IMMP2L: variants seen among roughly 807,000 people sequenced by gnomAD.
The protein encoded by IMMP2L is mitochondrial inner membrane protease subunit 2.
In IMMP2L, 18 loss-of-function variants were observed where a neutral mutation model predicts 19.3. The ratio of observed to expected loss-of-function variants is 0.93; its 90% CI spans 0.64 to 1.38. The LOEUF is 1.38. IMMP2L is among the 40% of genes most tolerant of loss of function. IMMP2L has a pLI of 0.00. For missense variants in IMMP2L, 233 were observed against 218.2 expected (o/e 1.07, Z -0.43); for synonymous variants, 76 against 73.0 (o/e 1.04, Z -0.21).
At chr7:111,320,036 C>T (rs1156888713) in intron 3 of IMMP2L, among the ~76,000 whole-genome samples, 2 of 151,914 alleles carry the variant, frequency 1.3e-5, no homozygotes, top group African/African-American at 4.8e-5. Flanking sequence ...AAATCTTCAT[C>T]CCCACATCAG....
chr7:110,767,431 T>A (rs1018309882), intron 5 of IMMP2L, among the ~76,000 whole-genome samples: 2 of 152,152 alleles, frequency 1.3e-5, no homozygotes, highest in African/African-American at 4.8e-5. Flanking sequence ...TAACGTTAAC[T>A]CTCTCCTAGT....
intron 5 of IMMP2L, among the ~76,000 whole-genome samples, chr7:110,833,535 G>A (rs192675015): frequency 6.6e-6 from 1 of 152,082 alleles, no homozygotes; most frequent in Non-Finnish European, 1.5e-5. Context: ...AGACCATCTG[G>A]GGGGATGGCT....
chr7:110,764,955 A>G (rs1380919183), intron 5 of IMMP2L, among the ~76,000 whole-genome samples: 1 of 152,118 alleles, frequency 6.6e-6, no homozygotes, highest in Non-Finnish European at 1.5e-5. Flanking sequence ...GATGAAGGGA[A>G]GAGCTACTGG....
intron 5 of IMMP2L, among the ~76,000 whole-genome samples, chr7:110,737,901 C>A (rs1796742064): frequency 6.6e-6 from 1 of 152,176 alleles, no homozygotes; most frequent in Non-Finnish European, 1.5e-5. Flanking sequence ...TAGACCCTCG[C>A]TAGTACCAGC....
intron 3 of IMMP2L, among the ~76,000 whole-genome samples, chr7:111,468,272 G>T (rs899589104): frequency 1.3e-5 from 2 of 151,992 alleles, no homozygotes; most frequent in Non-Finnish European, 2.9e-5. Context: ...TTGTTACCTG[G>T]ATGTTATTAA....
intron 3 of IMMP2L, among the ~76,000 whole-genome samples, chr7:111,256,411 G>A (rs1420166538): frequency 6.6e-6 from 1 of 151,968 alleles, no homozygotes; most frequent in African/African-American, 2.4e-5. Flanking sequence ...GATAACTGTG[G>A]TTCACTGTGT....
intron 3 of IMMP2L, among the ~76,000 whole-genome samples, chr7:111,361,339 T>G (rs1829241862): frequency 6.6e-6 from 1 of 152,110 alleles, no homozygotes; most frequent in South Asian, 2.1e-4. Flanking sequence ...CTAAAATTGT[T>G]GCATTTTGCA....
chr7:111,261,238 T>G (rs1817280579), intron 3 of IMMP2L, among the ~76,000 whole-genome samples: 1 of 152,166 alleles, frequency 6.6e-6, no homozygotes, highest in Non-Finnish European at 1.5e-5. Context: ...TTTAGCTCTC[T>G]GAGGTAAATG....
intron 3 of IMMP2L, among the ~76,000 whole-genome samples, chr7:110,989,006 G>A (rs1356433661): frequency 6.6e-6 from 1 of 152,116 alleles, no homozygotes; most frequent in Non-Finnish European, 1.5e-5. Context: ...GGGGACCGAG[G>A]CGGCAGATCA....
chr7:110,912,763 C>A (rs963020044), intron 4 of IMMP2L, among the ~76,000 whole-genome samples: 1 of 152,020 alleles, frequency 6.6e-6, no homozygotes, highest in African/African-American at 2.4e-5. Flanking sequence ...TTGCTACTTG[C>A]TCCTAAGTTG....
intron 5 of IMMP2L, among the ~76,000 whole-genome samples, chr7:110,741,079 C>G (rs1223731743): frequency 1.3e-5 from 2 of 152,102 alleles, no homozygotes; most frequent in Non-Finnish European, 1.5e-5. Context: ...AAATATGGAA[C>G]CAGTCCAGAT....
intron 3 of IMMP2L, among the ~76,000 whole-genome samples, chr7:111,445,965 G>T (rs1585132325): frequency 6.6e-6 from 1 of 152,042 alleles, no homozygotes; most frequent in Non-Finnish European, 1.5e-5. Context: ...TGGAAAATCG[G>T]GTCACTCCCA....
intron 3 of IMMP2L, among the ~76,000 whole-genome samples, chr7:111,243,095 T>G (rs1587002479): frequency 6.6e-6 from 1 of 152,116 alleles, no homozygotes; most frequent in Non-Finnish European, 1.5e-5. Flanking sequence ...AAATTCTTAT[T>G]ATTTTTATGC....
intron 3 of IMMP2L, among the ~76,000 whole-genome samples, chr7:111,140,792 C>T (rs1026902623): frequency 3.3e-5 from 5 of 152,074 alleles, no homozygotes; most frequent in Non-Finnish European, 4.4e-5. Flanking sequence ...TAAGACTGTT[C>T]GGCCATTTAA....
intron 3 of IMMP2L, among the ~76,000 whole-genome samples, chr7:111,445,410 A>G (rs1039427718): frequency 6.6e-6 from 1 of 152,106 alleles, no homozygotes; most frequent in Non-Finnish European, 1.5e-5. Context: ...AAATAGACAC[A>G]AACATACATA....
chr7:110,672,457 T>A (rs1791986439), intron 5 of IMMP2L, among the ~76,000 whole-genome samples: 1 of 152,120 alleles, frequency 6.6e-6, no homozygotes, highest in Non-Finnish European at 1.5e-5. Context: ...TCATGTCCTC[T>A]CATTTCAAAA....
rs959155342 is a variant in IMMP2L, at chr7:110,785,348, G to T, written c.408+101245C>A. Reference sequence around the variant, plus strand: ...CTTCTTATTAAATGTCTCTAATTCTGTTGGTGGTGATTCCACATCAGTGTG... The same window carrying T: ...CTTCTTATTAAATGTCTCTAATTCTTTTGGTGGTGATTCCACATCAGTGTG... On this transcript the variant is annotated intron_variant, in intron 5 of 5. Transcript: ENST00000405709. Among the ~76,000 whole-genome samples the T allele has an allele frequency of 5.9e-5, 9 of 151,896 alleles. 1 individual carries two copies. The highest frequency in any genetic ancestry group is 1.9e-4 in the African/African-American group (8 of 41,388).
intron 3 of IMMP2L, among the ~76,000 whole-genome samples, chr7:111,334,046 G>T (rs895475317): frequency 5.3e-5 from 8 of 151,860 alleles, no homozygotes; most frequent in African/African-American, 1.7e-4. Context: ...CAAGCTAAAA[G>T]TAGAAAATAT....
chr7:111,301,920 TTAAAAAAA>T (rs1822282503), intron 3 of IMMP2L, among the ~76,000 whole-genome samples: 1 of 84,016 alleles, frequency 1.2e-5, no homozygotes, highest in Admixed American at 1.4e-4. Context: ...GTTTCATGCT[TTAAAAAAA>T]AAAAAAAAAA....
Sources: allele counts gnomAD v4.1 joint callset (sites outside exome capture counted in the v4.1 genomes callset), GRCh38; gene constraint gnomAD v4.1.1; transcripts MANE v1.5; gene names NCBI Gene and HGNC (gene_info 2026-07-23, HGNC 2026-07-21).